Variants in PABIR3 observed in about 807,000 individuals in gnomAD.
The protein encoded by PABIR3 is PABIR family member 3.
A neutral mutation model predicts 23.1 loss-of-function variants in PABIR3; 20 were observed. That is an observed-to-expected ratio of 0.86 (90% CI 0.61 to 1.26). The LOEUF (loss-of-function observed/expected upper bound fraction) is 1.26. PABIR3 is among the 50% of genes most tolerant of loss of function. The pLI, the probability that PABIR3 is intolerant of heterozygous loss-of-function variation, is 0.00. For synonymous variants in PABIR3, 69 were observed against 68.5 expected, an observed-to-expected ratio of 1.01 and a Z score of -0.04; for missense variants, 189 against 195.4, an observed-to-expected ratio of 0.97 and a Z score of 0.20.
intron 3 of PABIR3, among the ~76,000 whole-genome samples, chrX:134,824,806 C>T (rs2081435786): frequency 9.1e-6 from 1 of 109,330 alleles, no homozygotes; most frequent in Admixed American, 9.8e-5. Context: ...GATTCCTTCT[C>T]AAAAAAAGAA....
At chrX:134,836,043 G>T (rs893144889) in intron 4 of PABIR3, among the ~76,000 whole-genome samples, 10 of 111,639 alleles carry the variant, frequency 9.0e-5, no homozygotes, top group Non-Finnish European at 1.7e-4. Context: ...TCACCATATT[G>T]GTCCGACTGG....
intron 1 of PABIR3, chrX:134,797,036 AGCC>A: frequency 8.7e-6 from 1 of 114,854 alleles, no homozygotes; most frequent in Non-Finnish European, 1.8e-5. Flanking sequence ...TCGGCCTCTC[AGCC>A]GCCGCCGCGG....
intron 6 of PABIR3, among the ~76,000 whole-genome samples, chrX:134,846,373 A>C (rs1304998856): frequency 1.8e-5 from 2 of 112,037 alleles, no homozygotes; most frequent in Non-Finnish European, 3.8e-5. Context: ...TAACATTTTA[A>C]TATAAAACCT....
At chrX:134,830,307 G>A (rs1462454720) in intron 4 of PABIR3, among the ~76,000 whole-genome samples, 1 of 102,291 alleles carries the variant, frequency 9.8e-6, no homozygotes, top group Non-Finnish European at 2.0e-5. Context: ...AGAAAGTATG[G>A]TAAAAATGGT....
chrX:134,847,238 T>C, intron 6 of PABIR3, 145 bp from the exon 7 acceptor site: 1 of 394,116 alleles, frequency 2.5e-6, no homozygotes, highest in Non-Finnish European at 4.4e-6. Context: ...GGTTCCCTGA[T>C]TGCTTTAGGA....
intron 9 of PABIR3, among the ~76,000 whole-genome samples, chrX:134,851,820 G>C (rs1460666362): frequency 9.0e-6 from 1 of 111,511 alleles, no homozygotes; most frequent in African/African-American, 3.3e-5. Flanking sequence ...TTCTGTGGAA[G>C]GTCTATGCAA....
At chrX:134,844,437 C>T (rs1042035447) in intron 4 of PABIR3, among the ~76,000 whole-genome samples, 2 of 109,759 alleles carry the variant, frequency 1.8e-5, no homozygotes, top group Admixed American at 9.9e-5. Flanking sequence ...GTGGAATTGT[C>T]ATCTAAACAT....
At chrX:134,851,426 C>T (rs940561477) in intron 9 of PABIR3, among the ~76,000 whole-genome samples, 6 of 109,231 alleles carry the variant, frequency 5.5e-5, no homozygotes, top group Non-Finnish European at 9.5e-5. Flanking sequence ...ATCCCAGCTA[C>T]TCAGGAGACT....
At chrX:134,850,779 AC>A (rs2082606271) in intron 9 of PABIR3, among the ~76,000 whole-genome samples, 1 of 111,804 alleles carries the variant, frequency 8.9e-6, no homozygotes, top group African/African-American at 3.3e-5. Flanking sequence ...CGGAGATGTG[AC>A]CTGTCTCACA....
At chrX:134,800,208 G>A (rs1309106439) in intron 1 of PABIR3, among the ~76,000 whole-genome samples, 1 of 108,939 alleles carries the variant, frequency 9.2e-6, no homozygotes, top group African/African-American at 3.4e-5. Flanking sequence ...GGCTGAGGCA[G>A]GAGAATCGCT....
intron 3 of PABIR3, among the ~76,000 whole-genome samples, chrX:134,826,956 G>T (rs772259142): frequency 5.8e-4 from 65 of 111,385 alleles, no homozygotes; most frequent in African/African-American, 1.5e-3. Context: ...TTTTATGTAT[G>T]TATTTATTTA....
At chrX:134,816,576 C>T (rs2080990519) in intron 3 of PABIR3, among the ~76,000 whole-genome samples, 1 of 111,044 alleles carries the variant, frequency 9.0e-6, no homozygotes, top group African/African-American at 3.3e-5. Context: ...CCCGCCTTGG[C>T]CTCCCAAAGT....
intron 9 of PABIR3, among the ~76,000 whole-genome samples, chrX:134,851,867 T>C (rs2082648634): frequency 8.9e-6 from 1 of 111,767 alleles, no homozygotes; most frequent in Non-Finnish European, 1.9e-5. Context: ...ATCATTCAAA[T>C]AGAAGTTATG....
At chrX:134,851,784 T>C (rs1361493298) in intron 9 of PABIR3, among the ~76,000 whole-genome samples, 1 of 111,821 alleles carries the variant, frequency 8.9e-6, no homozygotes, top group Non-Finnish European at 1.9e-5. Context: ...CAGACTTCTT[T>C]TAAACTTTAT....
downstream of PABIR3, among the ~76,000 whole-genome samples, chrX:134,857,442 G>A (rs183764199): frequency 2.0e-3 from 226 of 111,425 alleles, no homozygotes; most frequent in Non-Finnish European, 2.9e-3. Context: ...ATCTTAATTC[G>A]ATTATATCTG....
At chrX:134,822,652 C>G in intron 3 of PABIR3, 1 of 747,878 alleles carries the variant, frequency 1.3e-6, no homozygotes, top group Middle Eastern at 7.6e-4. Context: ...CTAGGGAAGT[C>G]TTTCATCATT....
intron 6 of PABIR3, among the ~76,000 whole-genome samples, chrX:134,846,682 T>A (rs1367625223): frequency 8.9e-6 from 1 of 112,288 alleles, no homozygotes; most frequent in Non-Finnish European, 1.9e-5. Context: ...TCCCTGATTT[T>A]GGAGTAGGTC....
At chrX:134,831,850 A>G (rs1478463350) in intron 4 of PABIR3, among the ~76,000 whole-genome samples, 1 of 111,407 alleles carries the variant, frequency 9.0e-6, no homozygotes, top group Non-Finnish European at 1.9e-5. Context: ...GTTCTTTCTA[A>G]CTATATTTTT....
chrX:134,812,115 A>G (rs1470202455), intron 2 of PABIR3, among the ~76,000 whole-genome samples: 5 of 112,676 alleles, frequency 4.4e-5, no homozygotes, highest in East Asian at 5.6e-4. Context: ...CAGTTATACT[A>G]CTTCTGCTTT....
Sources: allele counts gnomAD v4.1 joint callset (sites outside exome capture counted in the v4.1 genomes callset), GRCh38; gene constraint gnomAD v4.1.1; transcripts MANE v1.5; gene names NCBI Gene and HGNC (gene_info 2026-07-23, HGNC 2026-07-21).